SACM1L: variants seen among roughly 807,000 people sequenced by gnomAD.
The protein encoded by SACM1L is SAC1 like phosphatidylinositide phosphatase.
Under a neutral mutation model 89.5 loss-of-function variants are expected in SACM1L, and 32 were observed. The ratio of observed to expected loss-of-function variants is 0.36; its 90% CI spans 0.27 to 0.48. The LOEUF (loss-of-function observed/expected upper bound fraction) is 0.48, where lower values mean the gene tolerates loss of function less well. SACM1L is among the 20% of genes least tolerant of loss of function. SACM1L has a pLI of 0.99. For missense variants in SACM1L, 543 were observed against 708.5 expected, an observed-to-expected ratio of 0.77 and a Z score of 2.65; for synonymous variants, 213 against 232.8, an observed-to-expected ratio of 0.92 and a Z score of 0.77.
At chr3:45,709,896 A>T (rs1698482123) in intron 5 of SACM1L, among the ~76,000 whole-genome samples, 1 of 152,304 alleles carries the variant, frequency 6.6e-6, no homozygotes, top group African/African-American at 2.4e-5. Flanking sequence ...GTATAAACAC[A>T]CATGTAAGTT....
chr3:45,719,140 T>C (rs1212804641), intron 7 of SACM1L, among the ~76,000 whole-genome samples: 1 of 152,200 alleles, frequency 6.6e-6, no homozygotes, highest in Admixed American at 6.5e-5. Context: ...GTGTTTCTTA[T>C]TTGAAAGTTA....
intron 4 of SACM1L, among the ~76,000 whole-genome samples, chr3:45,708,055 AC>A (rs140315202): frequency 0.06 from 9,082 of 152,196 alleles, 896 homozygotes; most frequent in African/African-American, 0.21. Flanking sequence ...AATATCTATA[AC>A]TAATATCTAT....
At chr3:45,715,905 G>A (rs1213351365) in intron 7 of SACM1L, among the ~76,000 whole-genome samples, 1 of 151,438 alleles carries the variant, frequency 6.6e-6, no homozygotes, top group Non-Finnish European at 1.5e-5. Flanking sequence ...TGAGATTATA[G>A]AACCTTTTTT....
chr3:45,732,480 T>A (rs2125703204), intron 13 of SACM1L, among the ~76,000 whole-genome samples: 2 of 151,942 alleles, frequency 1.3e-5, no homozygotes, highest in East Asian at 3.9e-4. Context: ...CACAAGTATT[T>A]TGTTGTTAAC....
intron 3 of SACM1L, among the ~76,000 whole-genome samples, chr3:45,705,919 G>A (rs1698382831): frequency 6.6e-6 from 1 of 152,202 alleles, no homozygotes. Context: ...TGTTAAGAAG[G>A]TGATTTTTGT....
At chr3:45,710,964 CAGGAACTATACT>C (rs1698513216) in intron 5 of SACM1L, among the ~76,000 whole-genome samples, 1 of 152,038 alleles carries the variant, frequency 6.6e-6, no homozygotes. Context: ...AGCCATGTAC[CAGGAACTATACT>C]AGCCCCTGGG....
chr3:45,703,929 T>C (rs887993505), intron 2 of SACM1L, among the ~76,000 whole-genome samples: 3 of 152,176 alleles, frequency 2.0e-5, no homozygotes, highest in Admixed American at 2.0e-4. Context: ...CAGCTACTTT[T>C]GTTTTGAAAG....
intron 8 of SACM1L, among the ~76,000 whole-genome samples, chr3:45,720,678 A>G (rs1698769175): frequency 6.6e-6 from 1 of 152,122 alleles, no homozygotes; most frequent in South Asian, 2.1e-4. Flanking sequence ...CTGACTTTTA[A>G]AAATAATTGG....
Position 45,738,835 on chromosome 3 carries a change from A to T in SACM1L, c.1531A>T (p.Ser511Cys). The T allele has an allele frequency of 6.2e-7, 1 of 1,611,422 alleles. No individual in the cohort carries two copies. The highest frequency in any genetic ancestry group is 8.5e-7 in the Non-Finnish European group (1 of 1,177,872). ...TTCAGTGGATGAATTAGAATCTCAT[A>T]GTCCTTTAAGTGTTCCAAGGGACTG... Reference protein sequence around the residue: ...NYSVDELESHSPLSVPRDWKF... With the variant: ...NYSVDELESHCPLSVPRDWKF... The change falls in exon 18 of 20, where the codon AGT (serine) becomes TGT (cysteine). Residue 511 changes from serine to cysteine, a missense_variant. By Grantham distance (112) the Ser-to-Cys change is moderately radical. Transcript: ENST00000389061.
rs145280270 is a variant in SACM1L, at chr3:45,732,758, T to C, written c.1100+607T>C. On this transcript the variant is annotated intron_variant, in intron 13 of 19. Coordinates refer to ENST00000389061, the MANE Select transcript of SACM1L (RefSeq NM_014016.5). ...TACTATATTATCATATTGGTTCAGGTTTACCATACTCTATGCGTGCCAGTC... is the reference window on the plus strand; with the variant it reads ...TACTATATTATCATATTGGTTCAGGCTTACCATACTCTATGCGTGCCAGTC... Among the ~76,000 whole-genome samples, 164 of 152,300 alleles carry C rather than the reference T, an allele frequency of 1.1e-3. 1 individual carries two copies. The highest frequency in any genetic ancestry group is 3.6e-3 in the African/African-American group (151 of 41,562).
At chr3:45,729,406 T>A (rs1351877294) in intron 11 of SACM1L, among the ~76,000 whole-genome samples, 1 of 152,206 alleles carries the variant, frequency 6.6e-6, no homozygotes, top group Non-Finnish European at 1.5e-5. Flanking sequence ...TTTATATCTC[T>A]GTATAGCTGC....
intron 8 of SACM1L, 56 bp downstream of exon 8, chr3:45,719,657 A>G (rs1698744707): frequency 6.2e-6 from 6 of 969,286 alleles, no homozygotes; most frequent in Non-Finnish European, 9.5e-6. Context: ...TCTTACGGTG[A>G]CACGAATGTA....
At chr3:45,724,648 A>G (rs1275349610) in intron 11 of SACM1L, among the ~76,000 whole-genome samples, 6 of 152,108 alleles carry the variant, frequency 3.9e-5, no homozygotes, top group Non-Finnish European at 8.8e-5. Flanking sequence ...AGTCCAGCTT[A>G]TCTAGTTTTT....
chr3:45,711,250 T>C (rs894276988), intron 5 of SACM1L, among the ~76,000 whole-genome samples: 1 of 152,072 alleles, frequency 6.6e-6, no homozygotes, highest in African/African-American at 2.4e-5. Context: ...GCCGGGGGGT[T>C]CCAGGCAGAG....
At chr3:45,689,611 C>T (rs1450857849) in intron 1 of SACM1L, 114 bp downstream of exon 1, 8 of 1,265,932 alleles carry the variant, frequency 6.3e-6, no homozygotes, top group Non-Finnish European at 7.8e-6. Context: ...GGGAGCTCCT[C>T]GCATTTACCG....
chr3:45,720,239 TTGAG>T (rs1220659271), intron 8 of SACM1L, among the ~76,000 whole-genome samples: 2 of 152,142 alleles, frequency 1.3e-5, no homozygotes, highest in Non-Finnish European at 2.9e-5. Context: ...AAGAATAACA[TTGAG>T]TGAGTGACCT....
chr3:45,722,946 A>G lies in SACM1L; in HGVS notation c.843A>G (p.Val281=). 6.2e-7 allele frequency: 1 copy of G among 1,613,120 alleles called. No homozygotes were observed. Among genetic ancestry groups the G allele is most frequent in the Non-Finnish European group, 8.5e-7 (1 of 1,179,180 alleles). Residue 281 remains valine (V), a synonymous_variant, in exon 10 of 20, where the codon GTA becomes GTG. Transcript: ENST00000389061. Reference sequence around the variant, plus strand: ...AACCACTGCCACAGATCAGCAAAGTAGCAAATCACGTGTGTATCTTGCATG... The same window carrying G: ...AACCACTGCCACAGATCAGCAAAGTGGCAAATCACGTGTGTATCTTGCATG... ...KYKPLPQISK[V]ANHMDGFQRH...
intron 11 of SACM1L, chr3:45,730,626 A>G (rs1023537595): frequency 4.6e-5 from 7 of 152,262 alleles, no homozygotes; most frequent in African/African-American, 1.7e-4. Flanking sequence ...GTAAAGGTTT[A>G]AGGTCTTCTC....
At position 45,706,055 on chromosome 3, in the gene SACM1L, A is replaced by G. The variant is rs148883302; in HGVS notation, c.206-725A>G. 5.3e-5 allele frequency among the ~76,000 whole-genome samples: 8 copies of G among 152,324 alleles called. No individual in the cohort carries two copies. In the East Asian group the frequency reaches 1.4e-3, roughly 26 times the overall value. On this transcript the variant is annotated intron_variant, in intron 3 of 19. Transcript: ENST00000389061. The stretch of plus-strand genomic sequence containing the variant: ...TCACAGTCTAGTGAGAGAGGCGTGT[A>G]AGTAGTAAATTACTGCAGTACAGTG...
Sources: gnomAD v4.1 joint callset for allele counts (sites outside exome capture counted in the v4.1 genomes callset) on GRCh38, gnomAD v4.1.1 for gene constraint, MANE v1.5 for transcripts, NCBI Gene and HGNC (gene_info 2026-07-23, HGNC 2026-07-21) for gene names.